Variants in NEK10 observed in about 807,000 individuals in gnomAD.
The protein encoded by NEK10 is serine/threonine-protein kinase Nek10.
A neutral mutation model predicts 159.8 loss-of-function variants in NEK10; 122 were observed. The observed-to-expected ratio is 0.76, with a 90% CI of 0.66 to 0.89. The LOEUF is 0.89. NEK10 is among the 40% of genes least tolerant of loss of function. The pLI is 0.00. For missense variants in NEK10, 1,342 were observed against 1,323.1 expected (o/e 1.01, Z -0.22); for synonymous variants, 466 against 457.1 (o/e 1.02, Z -0.25).
intron 23 of NEK10, among the ~76,000 whole-genome samples, chr3:27,246,596 T>C (rs904493386): frequency 1.3e-5 from 2 of 152,140 alleles, no homozygotes; most frequent in East Asian, 3.8e-4. Context: ...ATAATTAAAT[T>C]TTTTTAACTA....
chr3:27,359,980 G>C (rs2048568886), intron 1 of NEK10, among the ~76,000 whole-genome samples: 1 of 152,154 alleles, frequency 6.6e-6, no homozygotes, highest in African/African-American at 2.4e-5. Context: ...AAAATGTCAA[G>C]TTAAATTGGT....
chr3:27,122,607 C>G (rs549722118), intron 32 of NEK10, among the ~76,000 whole-genome samples: 44 of 152,190 alleles, frequency 2.9e-4, no homozygotes, highest in African/African-American at 1.1e-3. Context: ...AAAATGATTT[C>G]CTGGTATTAC....
rs147866877 is a variant in NEK10, at chr3:27,198,838, G to A, written c.2291+2672C>T. Among the ~76,000 whole-genome samples, 804 of 152,170 alleles carry A rather than the reference G, an allele frequency of 5.3e-3. 6 individuals are homozygous for A. The highest frequency in any genetic ancestry group is 0.018 in the African/African-American group (767 of 41,526). On this transcript the variant is annotated intron_variant, in intron 25 of 35. Transcript: ENST00000691995. ...TGTAATCCCAGCACTTTGGGAGGCCGAGGCGTGTAGATCATGAGGTCAGGA... is the reference window on the plus strand; with the variant it reads ...TGTAATCCCAGCACTTTGGGAGGCCAAGGCGTGTAGATCATGAGGTCAGGA...
chr3:27,366,760 T>C (rs1164211854), intron 1 of NEK10, among the ~76,000 whole-genome samples: 1 of 152,136 alleles, frequency 6.6e-6, no homozygotes, highest in Non-Finnish European at 1.5e-5. Context: ...TTTTACCTTT[T>C]GTAAACTCAC....
chr3:27,259,298 C>T (rs2040186159), intron 22 of NEK10, among the ~76,000 whole-genome samples: 1 of 152,170 alleles, frequency 6.6e-6, no homozygotes. Flanking sequence ...TCGCCCATGC[C>T]TATGTCCTGA....
At chr3:27,184,061 C>A (rs1251488885) in intron 26 of NEK10, among the ~76,000 whole-genome samples, 6 of 152,082 alleles carry the variant, frequency 3.9e-5, no homozygotes, top group African/African-American at 1.2e-4. Flanking sequence ...TACCTATAAC[C>A]CTGAAACTCT....
At chr3:27,299,335 T>C (rs1479587543) in intron 13 of NEK10, among the ~76,000 whole-genome samples, 1 of 152,170 alleles carries the variant, frequency 6.6e-6, no homozygotes, top group Non-Finnish European at 1.5e-5. Flanking sequence ...CCATGTGGTG[T>C]TGAGTCTGCT....
intron 26 of NEK10, among the ~76,000 whole-genome samples, chr3:27,189,416 T>C (rs1418299117): frequency 6.6e-6 from 1 of 152,130 alleles, no homozygotes; most frequent in African/African-American, 2.4e-5. Flanking sequence ...GATCCCCTTA[T>C]TGATATTGGG....
At position 27,312,176 on chromosome 3, in the gene NEK10, T is replaced by A; in HGVS notation, c.491A>T (p.Tyr164Phe). ...GTACTCATTGGCTACAATCTCCATA[T>A]ACTGCATGAAGGACCAAACCAACAA... Reference protein sequence around the residue: ...SLGGIENLAQYMEIVANEYLG... With the variant: ...SLGGIENLAQFMEIVANEYLG... The change falls in exon 8 of 36, where the codon TAT becomes TTT. Residue 164 changes from tyrosine (Y) to phenylalanine (F), a missense_variant and splice_region_variant. Transcript: ENST00000691995. 1 of 1,602,266 alleles carries A rather than the reference T, an allele frequency of 6.2e-7. No homozygotes were observed. Among genetic ancestry groups the A allele is most frequent in the South Asian group, 1.1e-5 (1 of 89,208 alleles).
At chr3:27,293,181 C>G (rs919298531) in intron 16 of NEK10, among the ~76,000 whole-genome samples, 3 of 149,366 alleles carry the variant, frequency 2.0e-5, no homozygotes, top group Non-Finnish European at 4.5e-5. Flanking sequence ...AGTTTGTTTT[C>G]CCTTTGATTA....
intron 29 of NEK10, among the ~76,000 whole-genome samples, chr3:27,170,670 T>G (rs1218752519): frequency 6.6e-6 from 1 of 152,128 alleles, no homozygotes; most frequent in African/African-American, 2.4e-5. Flanking sequence ...AGGCAGAGGT[T>G]GCAGTGATCA....
chr3:27,211,814 AATTG>A (rs61171891), intron 23 of NEK10, among the ~76,000 whole-genome samples: 4 of 152,186 alleles, frequency 2.6e-5, no homozygotes, highest in African/African-American at 9.7e-5. Context: ...TATACTAATT[AATTG>A]ATTGATTGAT....
At chr3:27,364,400 GTGTGTA>G (rs201147601) in intron 1 of NEK10, among the ~76,000 whole-genome samples, 20 of 124,042 alleles carry the variant, frequency 1.6e-4, no homozygotes, top group African/African-American at 5.0e-4. Flanking sequence ...GTGTGTGTGT[GTGTGTA>G]TAGTAGAGAC....
chr3:27,326,743 C>T lies in NEK10; in HGVS notation c.363-4482G>A, dbSNP rs140244563. On this transcript the variant is annotated intron_variant, in intron 5 of 35. Transcript: ENST00000691995. Reference sequence around the variant, plus strand: ...GCCCAAAGCTATTAATATTTCTACGCGGCCTCTGCTGCTGTAAATGTAAAT... The same window carrying T: ...GCCCAAAGCTATTAATATTTCTACGTGGCCTCTGCTGCTGTAAATGTAAAT... 1.6e-3 allele frequency among the ~76,000 whole-genome samples: 245 copies of T among 152,256 alleles called. 1 individual carries two copies. In the East Asian group the frequency reaches 0.038, roughly 23 times the overall value.
At chr3:27,208,886 G>T (rs759720648) in intron 23 of NEK10, among the ~76,000 whole-genome samples, 1 of 152,196 alleles carries the variant, frequency 6.6e-6, no homozygotes, top group Non-Finnish European at 1.5e-5. Context: ...GCTCACAGAT[G>T]ACTACTGCCG....
chr3:27,198,898 G>A (rs1024737927), intron 25 of NEK10, among the ~76,000 whole-genome samples: 14 of 151,648 alleles, frequency 9.2e-5, no homozygotes, highest in South Asian at 2.1e-4. Context: ...CGTGAAACCC[G>A]TCTCTACTAA....
intron 32 of NEK10, among the ~76,000 whole-genome samples, chr3:27,128,807 C>T (rs750385316): frequency 2.8e-4 from 42 of 152,114 alleles, no homozygotes; most frequent in Non-Finnish European, 5.4e-4. Flanking sequence ...TGACACCATA[C>T]TTACTATGCT....
chr3:27,113,239 T>C (rs529576710), intron 35 of NEK10, among the ~76,000 whole-genome samples: 1 of 152,050 alleles, frequency 6.6e-6, no homozygotes, highest in South Asian at 2.1e-4. Flanking sequence ...AAGATCAGCC[T>C]GGCCAACATG....
At chr3:27,158,409 T>C (rs1945707577) in intron 30 of NEK10, among the ~76,000 whole-genome samples, 1 of 152,166 alleles carries the variant, frequency 6.6e-6, no homozygotes, top group Admixed American at 6.6e-5. Context: ...AACTTGAAAG[T>C]AAACTACTAA....
Sources: gnomAD v4.1 joint callset for allele counts (sites outside exome capture counted in the v4.1 genomes callset) on GRCh38, gnomAD v4.1.1 for gene constraint, MANE v1.5 for transcripts, NCBI Gene and HGNC (gene_info 2026-07-23, HGNC 2026-07-21) for gene names.